MDH1B: variants seen among roughly 807,000 people sequenced by gnomAD.
MDH1B encodes the protein malate dehydrogenase 1B, also known as putative malate dehydrogenase 1B.
A neutral mutation model predicts 61.4 loss-of-function variants in MDH1B; 60 were observed. The ratio of observed to expected loss-of-function variants is 0.98; its 90% CI spans 0.79 to 1.21. The LOEUF is 1.21. Ranked by LOEUF, MDH1B falls within the 50% of genes most tolerant of loss-of-function variation. The pLI, the probability that MDH1B is intolerant of heterozygous loss-of-function variation, is 0.00. For missense variants in MDH1B, 587 were observed against 632.1 expected (o/e 0.93, Z 0.76); for synonymous variants, 236 against 218.7 (o/e 1.08, Z -0.70).
intron 11 of MDH1B, among the ~76,000 whole-genome samples, chr2:206,738,996 G>A (rs767545830): frequency 6.6e-6 from 1 of 152,158 alleles, no homozygotes; most frequent in African/African-American, 2.4e-5. Flanking sequence ...AGAAATCTAC[G>A]TCAGCTTTGT....
In MDH1B at chr2:206,757,354, C is replaced by G; in HGVS notation, c.153G>C (p.Val51=). ...PEVWEDWLKD[V]CEKNKWSHKN... is the part of the protein sequence containing the mutation. ...TGTGACTCCACTTATTCTTTTCACACACATCTTTTAGCCAATCCTGTTGAA... is the reference window on the plus strand; with the variant it reads ...TGTGACTCCACTTATTCTTTTCACAGACATCTTTTAGCCAATCCTGTTGAA... Residue 51 remains valine, a synonymous_variant, in exon 3 of 12, where the codon GTG becomes GTC. Transcript: ENST00000374412. The G allele has an allele frequency of 6.2e-7, 1 of 1,613,572 alleles. No individual in the cohort carries two copies.
At chr2:206,761,654 A>G (rs1249918703) in intron 1 of MDH1B, among the ~76,000 whole-genome samples, 1 of 152,138 alleles carries the variant, frequency 6.6e-6, no homozygotes, top group African/African-American at 2.4e-5. Flanking sequence ...ATACATATAT[A>G]TGGGGTGCAG....
At chr2:206,739,856 T>C (rs1687709383) in intron 10 of MDH1B, among the ~76,000 whole-genome samples, 195 bp from the exon 11 acceptor site, 1 of 152,096 alleles carries the variant, frequency 6.6e-6, no homozygotes, top group African/African-American at 2.4e-5. Flanking sequence ...ATGTCCTGAG[T>C]GGACAATATG....
chr2:206,739,083 G>T (rs531959178), intron 11 of MDH1B, among the ~76,000 whole-genome samples: 1 of 152,098 alleles, frequency 6.6e-6, no homozygotes, highest in South Asian at 2.1e-4. Context: ...TTCATCTTGA[G>T]GGAAGGATTT....
At chr2:206,761,138 C>T (rs1689069424) in intron 1 of MDH1B, 125 bp from the exon 2 acceptor site, 1 of 522,254 alleles carries the variant, frequency 1.9e-6, no homozygotes, top group Non-Finnish European at 3.4e-6. Flanking sequence ...CATAAAGTTG[C>T]AGTATAAACT....
At chr2:206,748,937 G>C (rs1227649518) in intron 7 of MDH1B, 83 bp downstream of exon 7, 2 of 1,210,850 alleles carry the variant, frequency 1.7e-6, no homozygotes, top group African/African-American at 1.5e-5. Context: ...TTAAGAGCTA[G>C]ATGGGTGGGG....
At chr2:206,741,131 C>T in intron 9 of MDH1B, 27 bp from the exon 10 acceptor site, 2 of 1,611,826 alleles carry the variant, frequency 1.2e-6, no homozygotes, top group Non-Finnish European at 1.7e-6. Context: ...ATAAAACATG[C>T]TGGATTTAGA....
At position 206,754,990 on chromosome 2, in the gene MDH1B, TAA is replaced by T; in HGVS notation, c.910+17_910+18del. 1 of 1,602,072 alleles carries T rather than the reference TAA, an allele frequency of 6.2e-7. No individual in the cohort carries two copies. ...TTGTTTCAAAATAAAAACAAAAACA[TAA>T]AGAGACATTCACTCACATGAAGGAG... On this transcript the variant is annotated intron_variant, in intron 5 of 11. Coordinates refer to ENST00000374412, the MANE Select transcript of MDH1B (RefSeq NM_001039845.3).
In MDH1B at chr2:206,739,618, CTTT is replaced by C. The variant is rs1687693196; in HGVS notation, c.1500_1502del (p.Lys501del). ...CATTTAGGAACTCAAGACTCTGTGG[CTTT>C]TCAAAGGTGGTTTGAGGAATCTGAT... On this transcript the variant is annotated inframe_deletion, in exon 11 of 12. Coordinates refer to ENST00000374412, the MANE Select transcript of MDH1B (RefSeq NM_001039845.3). The C allele has an allele frequency of 6.2e-7, 1 of 1,614,004 alleles. No individual in the cohort carries two copies. The highest frequency in any genetic ancestry group is 1.7e-5 in the Admixed American group (1 of 60,006).
intron 7 of MDH1B, 74 bp from the exon 8 acceptor site, chr2:206,746,500 A>G: frequency 4.9e-6 from 7 of 1,432,254 alleles, no homozygotes; most frequent in Middle Eastern, 3.6e-4. Flanking sequence ...TAAGCATTGT[A>G]GAAAATGACA....
intron 1 of MDH1B, among the ~76,000 whole-genome samples, chr2:206,761,522 T>C (rs991320375): frequency 2.0e-5 from 3 of 152,130 alleles, no homozygotes; most frequent in African/African-American, 7.2e-5. Context: ...AGAAAAATCA[T>C]GAATGAGAAA....
intron 6 of MDH1B, among the ~76,000 whole-genome samples, chr2:206,750,281 G>A (rs1437503488): frequency 6.6e-6 from 1 of 151,300 alleles, no homozygotes; most frequent in Non-Finnish European, 1.5e-5. Flanking sequence ...TTTATTGGGA[G>A]TAATCCATTT....
At chr2:206,741,550 C>T (rs1687811405) in intron 9 of MDH1B, among the ~76,000 whole-genome samples, 1 of 152,136 alleles carries the variant, frequency 6.6e-6, no homozygotes. Flanking sequence ...ACATTTTTCT[C>T]CCATGCTGGA....
chr2:206,759,842 A>G (rs1244639123), intron 2 of MDH1B, among the ~76,000 whole-genome samples: 1 of 152,232 alleles, frequency 6.6e-6, no homozygotes, highest in Admixed American at 6.5e-5. Context: ...TAACAGAAGC[A>G]CTACCAACCC....
chr2:206,763,351 A>G (rs1689215714), intron 1 of MDH1B, among the ~76,000 whole-genome samples: 1 of 151,634 alleles, frequency 6.6e-6, no homozygotes, highest in Non-Finnish European at 1.5e-5. Context: ...AGTCAATTAG[A>G]CATCCAGTTC....
intron 6 of MDH1B, among the ~76,000 whole-genome samples, chr2:206,749,996 C>A (rs867920233): frequency 6.6e-6 from 1 of 152,124 alleles, no homozygotes; most frequent in Non-Finnish European, 1.5e-5. Flanking sequence ...TAACCCTGCA[C>A]GACACAGCTC....
chr2:206,759,625 C>T (rs1467897657), intron 2 of MDH1B, among the ~76,000 whole-genome samples: 2 of 152,176 alleles, frequency 1.3e-5, no homozygotes, highest in Non-Finnish European at 2.9e-5. Context: ...AAATAATAGT[C>T]ATTCTGACGG....
intron 1 of MDH1B, among the ~76,000 whole-genome samples, chr2:206,764,567 T>A (rs1689314817): frequency 6.6e-6 from 1 of 152,180 alleles, no homozygotes; most frequent in South Asian, 2.1e-4. Context: ...GCCTTCTCAG[T>A]TGAGTCCTTG....
Position 206,746,140 on chromosome 2 carries a change from A to AT in MDH1B, c.1356+146dup, listed in dbSNP as rs1171178068. On this transcript the variant is annotated intron_variant, in intron 8 of 11. Coordinates refer to ENST00000374412, the MANE Select transcript of MDH1B (RefSeq NM_001039845.3). ...CTAAATGAGTAGTGTTCCTTCACTG[A>AT]TTTTTTTCAAACTTTTATTATCTCA... 8.3e-6 allele frequency: 5 copies of AT among 601,948 alleles called. No homozygotes were observed. The Admixed American group carries it at 1.1e-4, about 13-fold the overall frequency. The allele number at this position is 601,948 out of a possible 1,614,324, so 37.3% of individuals were successfully genotyped here.
Sources: gnomAD v4.1 joint callset for allele counts (sites outside exome capture counted in the v4.1 genomes callset) on GRCh38, gnomAD v4.1.1 for gene constraint, MANE v1.5 for transcripts, NCBI Gene and HGNC (gene_info 2026-07-23, HGNC 2026-07-21) for gene names.